PDE10A: variants seen among roughly 807,000 people sequenced by gnomAD.
The protein encoded by PDE10A is cAMP and cAMP-inhibited cGMP 3',5'-cyclic phosphodiesterase 10A.
A neutral mutation model predicts 97.7 loss-of-function variants in PDE10A; 39 were observed. That is an observed-to-expected ratio of 0.40 (90% CI 0.31 to 0.52). The LOEUF is 0.52. Ranked by LOEUF, PDE10A falls within the 20% of genes least tolerant of loss-of-function variation. The pLI is 0.56. For synonymous variants in PDE10A, 371 were observed against 376.8 expected (o/e 0.98, Z 0.18); for missense variants, 731 against 1,047.8 (o/e 0.70, Z 4.17).
intron 5 of PDE10A, among the ~76,000 whole-genome samples, chr6:165,442,211 T>C (rs2128244209): frequency 6.6e-6 from 1 of 152,276 alleles, no homozygotes; most frequent in Non-Finnish European, 1.5e-5. Flanking sequence ...GTTACATATG[T>C]ATACATGTGC....
intron 18 of PDE10A, among the ~76,000 whole-genome samples, chr6:165,348,752 G>A (rs1782486596): frequency 6.6e-6 from 1 of 152,204 alleles, no homozygotes; most frequent in Non-Finnish European, 1.5e-5. Flanking sequence ...GAGAGATGAG[G>A]TGGAGATAAC....
Position 165,343,518 on chromosome 6 carries a change from A to T in PDE10A, c.2784-16T>A, listed in dbSNP as rs1247803117. 1 of 1,544,356 alleles carries T rather than the reference A, an allele frequency of 6.5e-7. No homozygotes were observed. The highest frequency in any genetic ancestry group is 1.4e-5 in the African/African-American group (1 of 73,558). ...TACACGGTCTCTAGAACACAACAAT[A>T]TAAGACTGGTCAGCATAGCATTTGC... On this transcript the variant is annotated splice_polypyrimidine_tract_variant and intron_variant, in intron 18 of 21. Coordinates refer to ENST00000539869, the MANE Select transcript of PDE10A (RefSeq NM_001385079.1).
At position 165,505,636 on chromosome 6, in the gene PDE10A, C is replaced by T. The variant is rs534445924; in HGVS notation, c.995-23293G>A. ...TGGTGGTCTCCAACATATTAAAACTCGGTACATTGAAATATGTCTGTTGTC... is the reference window on the plus strand; with the variant it reads ...TGGTGGTCTCCAACATATTAAAACTTGGTACATTGAAATATGTCTGTTGTC... On this transcript the variant is annotated intron_variant, in intron 2 of 21. Coordinates refer to ENST00000539869, the MANE Select transcript of PDE10A (RefSeq NM_001385079.1). Among the ~76,000 whole-genome samples, 10 of 152,256 alleles carry T rather than the reference C, an allele frequency of 6.6e-5. No homozygotes were observed. In the South Asian group the frequency reaches 1.5e-3, roughly 22 times the overall value.
At chr6:165,360,878 G>A (rs1041777530) in intron 18 of PDE10A, among the ~76,000 whole-genome samples, 8 of 152,100 alleles carry the variant, frequency 5.3e-5, no homozygotes, top group Non-Finnish European at 5.9e-5. Context: ...AGGTGACTGT[G>A]GGTACACCAA....
At chr6:165,691,023 C>T (rs1286923053) in intron 1 of PDE10A, among the ~76,000 whole-genome samples, 4 of 149,048 alleles carry the variant, frequency 2.7e-5, no homozygotes, top group Admixed American at 6.7e-5. Flanking sequence ...TGGGACTCCT[C>T]AGTGCCTGTG....
intron 18 of PDE10A, among the ~76,000 whole-genome samples, chr6:165,350,975 A>G (rs1180082225): frequency 6.6e-6 from 1 of 152,204 alleles, no homozygotes; most frequent in Non-Finnish European, 1.5e-5. Context: ...TGTCTTTATT[A>G]GCAGCATGAG....
intron 1 of PDE10A, among the ~76,000 whole-genome samples, chr6:165,686,732 A>AT (rs1791131124): frequency 6.6e-6 from 1 of 152,204 alleles, no homozygotes; most frequent in African/African-American, 2.4e-5. Context: ...GCCATGAGCC[A>AT]TTTGGTTGAG....
chr6:165,790,738 A>C (rs1778623623), intron 1 of PDE10A, among the ~76,000 whole-genome samples: 1 of 152,096 alleles, frequency 6.6e-6, no homozygotes, highest in South Asian at 2.1e-4. Flanking sequence ...CGTCCCAAGA[A>C]GGTCACGTGG....
chr6:165,775,922 G>C (rs1778167724), intron 1 of PDE10A: 1 of 152,170 alleles, frequency 6.6e-6, no homozygotes, highest in Non-Finnish European at 1.5e-5. Context: ...ATTACTTCCA[G>C]AAACGGATTG....
chr6:165,645,828 T>C (rs1287681200), intron 1 of PDE10A, among the ~76,000 whole-genome samples: 2 of 126,238 alleles, frequency 1.6e-5, no homozygotes, highest in Non-Finnish European at 3.2e-5. Context: ...TACTCTAGCC[T>C]GGGCAGCAGA....
chr6:165,926,597 A>G (rs1354802554), intron 1 of PDE10A, among the ~76,000 whole-genome samples: 5 of 152,208 alleles, frequency 3.3e-5, no homozygotes, highest in African/African-American at 1.2e-4. Context: ...CCTGCACTGG[A>G]TGACAGGAAG....
intron 1 of PDE10A, among the ~76,000 whole-genome samples, chr6:165,950,312 GT>G (rs1351524505): frequency 6.6e-6 from 1 of 152,174 alleles, no homozygotes; most frequent in Non-Finnish European, 1.5e-5. Flanking sequence ...ATAGCCATAA[GT>G]TTTTTACCCA....
chr6:165,610,700 C>T (rs1207571810), intron 1 of PDE10A, among the ~76,000 whole-genome samples: 2 of 152,176 alleles, frequency 1.3e-5, no homozygotes, highest in African/African-American at 4.8e-5. Context: ...GATGGCCAAC[C>T]TCATGGACAT....
intron 1 of PDE10A, among the ~76,000 whole-genome samples, chr6:165,973,451 G>A (rs1019439903): frequency 6.6e-6 from 1 of 151,952 alleles, no homozygotes; most frequent in African/African-American, 2.4e-5. Context: ...TGATGGAATT[G>A]AGGTCTCTTA....
At chr6:165,448,858 T>G in intron 5 of PDE10A, 70 bp downstream of exon 5, 1 of 938,894 alleles carries the variant, frequency 1.1e-6, no homozygotes, top group African/African-American at 1.6e-5. Context: ...GTCGGTTGTT[T>G]ATAACTTTTT....
chr6:165,782,178 C>T (rs117265028), intron 1 of PDE10A, among the ~76,000 whole-genome samples: 1,801 of 152,322 alleles, frequency 0.012, 18 homozygotes, highest in Middle Eastern at 0.027. Flanking sequence ...ACAAAGTTAG[C>T]GTGTAGCTCA....
intron 1 of PDE10A, among the ~76,000 whole-genome samples, chr6:165,799,293 G>T (rs1439884197): frequency 6.6e-6 from 1 of 152,156 alleles, no homozygotes; most frequent in Non-Finnish European, 1.5e-5. Flanking sequence ...TACCCCACTG[G>T]TTTTTACCTC....
chr6:165,593,673 TTA>T (rs1311029214), intron 1 of PDE10A, among the ~76,000 whole-genome samples: 1 of 152,202 alleles, frequency 6.6e-6, no homozygotes, highest in East Asian at 1.9e-4. Flanking sequence ...TAGTAAACCT[TTA>T]TGTTTTATAA....
intron 1 of PDE10A, among the ~76,000 whole-genome samples, chr6:165,602,002 C>T (rs1402373011): frequency 6.6e-6 from 1 of 152,202 alleles, no homozygotes; most frequent in Non-Finnish European, 1.5e-5. Flanking sequence ...TCAGGATATA[C>T]TAAGCAAAAC....
Sources: allele counts gnomAD v4.1 joint callset (sites outside exome capture counted in the v4.1 genomes callset), GRCh38; gene constraint gnomAD v4.1.1; transcripts MANE v1.5; gene names NCBI Gene and HGNC (gene_info 2026-07-23, HGNC 2026-07-21).